ELOVL5: variants seen among roughly 807,000 people sequenced by gnomAD.
ELOVL5 encodes ELOVL fatty acid elongase 5.
A neutral mutation model predicts 38.6 loss-of-function variants in ELOVL5; 8 were observed. The observed-to-expected ratio is 0.21, with a 90% CI of 0.12 to 0.37. The LOEUF (loss-of-function observed/expected upper bound fraction) is 0.37. ELOVL5 is among the 10% of genes least tolerant of loss of function. The pLI is 1.00. For missense variants in ELOVL5, 280 were observed against 367.8 expected (o/e 0.76, Z 1.95); for synonymous variants, 127 against 133.7 (o/e 0.95, Z 0.34).
At chr6:53,337,625 T>C (rs529518256) in intron 1 of ELOVL5, among the ~76,000 whole-genome samples, 1 of 152,326 alleles carries the variant, frequency 6.6e-6, no homozygotes, top group South Asian at 2.1e-4. Flanking sequence ...AAGGTACATA[T>C]GTATTTAGAG....
chr6:53,295,299 G>A (rs1766948385), intron 2 of ELOVL5, among the ~76,000 whole-genome samples: 1 of 152,142 alleles, frequency 6.6e-6, no homozygotes, highest in South Asian at 2.1e-4. Flanking sequence ...AAAGGGGAAA[G>A]GTTTTAAACT....
In ELOVL5 at chr6:53,347,725, C is replaced by CCCCCGA. The variant is rs879902771; in HGVS notation, c.-9+1086_-9+1091dup. Reference sequence around the variant, plus strand: ...GGATTCTTCCGAAAGAGACCCCCCGCCCCCGACCCCGCCACCTCCGCCACT... The same window carrying CCCCCGA: ...GGATTCTTCCGAAAGAGACCCCCCGCCCCCGACCCCGACCCCGCCACCTCCGCCACT... On this transcript the variant is annotated intron_variant, in intron 1 of 7. Coordinates refer to ENST00000304434, the MANE Select transcript of ELOVL5 (RefSeq NM_021814.5). Among the ~76,000 whole-genome samples the CCCCCGA allele has an allele frequency of 1.8e-3, 281 of 152,266 alleles. 6 individuals are homozygous for CCCCCGA. The highest frequency in any genetic ancestry group is 2.1e-3 in the Non-Finnish European group (141 of 67,996).
chr6:53,328,369 A>G (rs1476637482), intron 1 of ELOVL5, among the ~76,000 whole-genome samples: 3 of 152,204 alleles, frequency 2.0e-5, no homozygotes, highest in African/African-American at 4.8e-5. Context: ...CTGGTACCTG[A>G]TTCAGGTATC....
chr6:53,322,742 G>A (rs1216104962), intron 1 of ELOVL5, among the ~76,000 whole-genome samples: 1 of 152,180 alleles, frequency 6.6e-6, no homozygotes, highest in Non-Finnish European at 1.5e-5. Flanking sequence ...CAAAACATTG[G>A]TCAAGTACTA....
At chr6:53,298,420 T>C (rs902075574) in intron 1 of ELOVL5, among the ~76,000 whole-genome samples, 7 of 152,190 alleles carry the variant, frequency 4.6e-5, no homozygotes, top group African/African-American at 1.4e-4. Flanking sequence ...AATAATCAGG[T>C]ATTAAGCATG....
intron 3 of ELOVL5, among the ~76,000 whole-genome samples, chr6:53,282,702 A>G (rs1431112808): frequency 6.6e-6 from 1 of 152,240 alleles, no homozygotes; most frequent in Non-Finnish European, 1.5e-5. Context: ...CAACTGCTCT[A>G]TACCTCTGCT....
intron 1 of ELOVL5, among the ~76,000 whole-genome samples, chr6:53,307,011 T>A (rs1767607952): frequency 6.6e-6 from 1 of 152,220 alleles, no homozygotes; most frequent in South Asian, 2.1e-4. Flanking sequence ...CAGGAGTTAG[T>A]CATCCTCCTG....
intron 2 of ELOVL5, among the ~76,000 whole-genome samples, chr6:53,292,905 A>G (rs1352617701): frequency 6.6e-6 from 1 of 152,166 alleles, no homozygotes; most frequent in Non-Finnish European, 1.5e-5. Flanking sequence ...GAGAGCGAAG[A>G]CCTAGGCGGA....
intron 2 of ELOVL5, among the ~76,000 whole-genome samples, chr6:53,292,851 C>T (rs944039102): frequency 6.6e-6 from 1 of 152,050 alleles, no homozygotes; most frequent in Non-Finnish European, 1.5e-5. Flanking sequence ...CAGATAAATG[C>T]CTATTTAAAG....
chr6:53,319,710 T>C (rs7747926), intron 1 of ELOVL5, among the ~76,000 whole-genome samples: 51,921 of 152,074 alleles, frequency 0.34, 9,490 homozygotes, highest in African/African-American at 0.48. Context: ...CCTGTTCATT[T>C]GGTTCATCTG....
chr6:53,332,252 C>T (rs1768836237), intron 1 of ELOVL5, among the ~76,000 whole-genome samples: 1 of 152,186 alleles, frequency 6.6e-6, no homozygotes, highest in Non-Finnish European at 1.5e-5. Context: ...CGTCAAGTTA[C>T]ATTCAGTATG....
intron 3 of ELOVL5, among the ~76,000 whole-genome samples, chr6:53,286,668 G>T (rs570787746): frequency 6.6e-6 from 1 of 151,998 alleles, no homozygotes; most frequent in East Asian, 1.9e-4. Flanking sequence ...ATACAAAGCA[G>T]ATAAAATGAA....
At position 53,268,358 on chromosome 6, in the gene ELOVL5, C is replaced by A. The variant is rs1765809552; in HGVS notation, c.*769G>T. 1 of 152,162 alleles carries A rather than the reference C, an allele frequency of 6.6e-6. No homozygotes were observed. The highest frequency in any genetic ancestry group is 1.5e-5 in the Non-Finnish European group (1 of 68,042). The allele number at this position is 152,162 out of a possible 1,614,324, so 9.4% of individuals were successfully genotyped here. On this transcript the variant is annotated 3_prime_UTR_variant, in exon 8 of 8. Coordinates refer to ENST00000304434, the MANE Select transcript of ELOVL5 (RefSeq NM_021814.5). ...TTAAAAATGGCCTACTCACCCTACA[C>A]CCTTCCTAAAATCTCGAGGACAAAG...
chr6:53,308,377 T>G (rs1767689878), intron 1 of ELOVL5, among the ~76,000 whole-genome samples: 1 of 152,228 alleles, frequency 6.6e-6, no homozygotes, highest in South Asian at 2.1e-4. Flanking sequence ...CGGCAGAACC[T>G]CTGGTGTTCC....
chr6:53,324,274 A>G (rs1185766653), intron 1 of ELOVL5, among the ~76,000 whole-genome samples: 1 of 146,028 alleles, frequency 6.8e-6, no homozygotes, highest in African/African-American at 2.6e-5. Flanking sequence ...AAAAAAAAAA[A>G]AGAAAAAAAA....
At chr6:53,341,792 A>G (rs1769343485) in intron 1 of ELOVL5, among the ~76,000 whole-genome samples, 1 of 152,202 alleles carries the variant, frequency 6.6e-6, no homozygotes, top group Admixed American at 6.5e-5. Context: ...CATCCTATAT[A>G]ACAGAGAGAC....
At chr6:53,273,073 A>C (rs1170295851) in intron 6 of ELOVL5, 147 bp downstream of exon 6, 2 of 840,698 alleles carry the variant, frequency 2.4e-6, no homozygotes, top group East Asian at 2.6e-5. Context: ...AAAATTCCCT[A>C]ATCTACCCAC....
At chr6:53,274,382 G>A (rs1175039646) in intron 5 of ELOVL5, among the ~76,000 whole-genome samples, 1 of 151,932 alleles carries the variant, frequency 6.6e-6, no homozygotes, top group Non-Finnish European at 1.5e-5. Context: ...GCAGGCTCAG[G>A]TAATCAAGGG....
chr6:53,331,784 G>C (rs745405243), intron 1 of ELOVL5, among the ~76,000 whole-genome samples: 6 of 152,200 alleles, frequency 3.9e-5, no homozygotes, highest in Non-Finnish European at 7.3e-5. Flanking sequence ...TAAATATATT[G>C]TAACTGTATT....
Sources: gnomAD v4.1 joint callset for allele counts (sites outside exome capture counted in the v4.1 genomes callset) on GRCh38, gnomAD v4.1.1 for gene constraint, MANE v1.5 for transcripts, NCBI Gene and HGNC (gene_info 2026-07-23, HGNC 2026-07-21) for gene names.